ARHGAP39: variants seen among roughly 807,000 people sequenced by gnomAD.
ARHGAP39 encodes the protein rho GTPase-activating protein 39.
ARHGAP39 carries 44 observed loss-of-function variants against 106.9 expected under a neutral mutation model. The observed-to-expected ratio is 0.41, with a 90% confidence interval of 0.32 to 0.53. The LOEUF (loss-of-function observed/expected upper bound fraction) is 0.53, where lower values mean the gene tolerates loss of function less well. ARHGAP39 is among the 20% of genes least tolerant of loss of function. ARHGAP39 has a pLI of 0.21. For missense variants in ARHGAP39, 1,496 were observed against 1,577.3 expected (o/e 0.95, Z 0.87); for synonymous variants, 768 against 693.2 (o/e 1.11, Z -1.69).
upstream of ARHGAP39, among the ~76,000 whole-genome samples, chr8:144,690,454 T>C (rs1454945000): frequency 6.6e-6 from 1 of 152,138 alleles, no homozygotes; most frequent in Non-Finnish European, 1.5e-5. Flanking sequence ...AATTTCTCCA[T>C]ATCTTCTCCA....
chr8:144,627,174 T>G (rs1478713443), intron 1 of ARHGAP39, among the ~76,000 whole-genome samples: 1 of 152,208 alleles, frequency 6.6e-6, no homozygotes. Flanking sequence ...TGTCTGCAGC[T>G]GCCAGGGACA....
At chr8:144,653,583 T>C (rs117426953) in intron 1 of ARHGAP39, among the ~76,000 whole-genome samples, 1 of 152,158 alleles carries the variant, frequency 6.6e-6, no homozygotes, top group Non-Finnish European at 1.5e-5. Context: ...GAAACACCCA[T>C]GCCTCACCCT....
intron 1 of ARHGAP39, among the ~76,000 whole-genome samples, chr8:144,643,311 A>G (rs937500130): frequency 1.3e-5 from 2 of 152,086 alleles, no homozygotes; most frequent in African/African-American, 4.8e-5. Context: ...AAAAATTGCC[A>G]GGCATGGTGG....
intron 1 of ARHGAP39, among the ~76,000 whole-genome samples, chr8:144,681,751 A>G (rs1218292254): frequency 6.6e-6 from 1 of 152,212 alleles, no homozygotes; most frequent in Non-Finnish European, 1.5e-5. Flanking sequence ...TGTTACCACT[A>G]TCTAAACATT....
At chr8:144,681,468 G>C (rs1439579353) in intron 1 of ARHGAP39, among the ~76,000 whole-genome samples, 1 of 152,178 alleles carries the variant, frequency 6.6e-6, no homozygotes, top group Non-Finnish European at 1.5e-5. Context: ...CTATGACGCA[G>C]GACCTTGAGT....
At chr8:144,690,481 G>GT (rs375014121), upstream of ARHGAP39, among the ~76,000 whole-genome samples, 1,898 of 147,760 alleles carry the variant, frequency 0.013, 34 homozygotes, top group African/African-American at 0.037. Flanking sequence ...GTTAATTTCT[G>GT]TTTTTTTTTT....
chr8:144,668,115 A>C (rs1822009475), intron 1 of ARHGAP39, among the ~76,000 whole-genome samples: 1 of 151,962 alleles, frequency 6.6e-6, no homozygotes, highest in African/African-American at 2.4e-5. Context: ...TAGAAGTTAT[A>C]TATATATTTG....
intron 3 of ARHGAP39, among the ~76,000 whole-genome samples, chr8:144,573,456 G>C (rs1014610393): frequency 2.0e-5 from 3 of 151,942 alleles, no homozygotes; most frequent in South Asian, 2.1e-4. Context: ...CGGCCTGTTG[G>C]GGGGTGGGGG....
At chr8:144,622,853 C>T (rs965812617) in intron 1 of ARHGAP39, among the ~76,000 whole-genome samples, 51 of 152,258 alleles carry the variant, frequency 3.3e-4, no homozygotes, top group African/African-American at 1.2e-3. Flanking sequence ...CACAGCTTTG[C>T]AGAAGTCAGG....
At chr8:144,688,516 G>A (rs1822681821), upstream of ARHGAP39, among the ~76,000 whole-genome samples, 1 of 152,236 alleles carries the variant, frequency 6.6e-6, no homozygotes, top group East Asian at 1.9e-4. Context: ...CCAGGCTAAG[G>A]TGGAGGAACG....
At chr8:144,597,333 C>T (rs1261470294) in intron 2 of ARHGAP39, among the ~76,000 whole-genome samples, 1 of 152,226 alleles carries the variant, frequency 6.6e-6, no homozygotes, top group African/African-American at 2.4e-5. Flanking sequence ...AGTCCAAAGC[C>T]CAACGTCTTC....
At chr8:144,672,937 C>A (rs1008589869) in intron 1 of ARHGAP39, among the ~76,000 whole-genome samples, 18 of 152,240 alleles carry the variant, frequency 1.2e-4, no homozygotes, top group African/African-American at 4.3e-4. Context: ...TGATCAGGGG[C>A]CAGGCACAGT....
chr8:144,588,997 C>T (rs1440203627), intron 2 of ARHGAP39, among the ~76,000 whole-genome samples: 1 of 152,232 alleles, frequency 6.6e-6, no homozygotes, highest in African/African-American at 2.4e-5. Context: ...ATCAATGTCA[C>T]GTGGGACCCG....
At position 144,645,744 on chromosome 8, in the gene ARHGAP39, G is replaced by A. The variant is rs1471650084; in HGVS notation, c.-82+39942C>T. On this transcript the variant is annotated intron_variant, in intron 1 of 11. Transcript: ENST00000377307. The surrounding 1 kb of genome is among the most constrained non-coding windows in gnomAD (Gnocchi z 4.4). ...CTCAGGAAGCAGAGCGATACACCTTGGATGGCAGAGGTTTATTTTGTGTGG... is the reference window on the plus strand; with the variant it reads ...CTCAGGAAGCAGAGCGATACACCTTAGATGGCAGAGGTTTATTTTGTGTGG... Among the ~76,000 whole-genome samples, 1 of 152,240 alleles carries A rather than the reference G, an allele frequency of 6.6e-6. No individual in the cohort carries two copies. Among genetic ancestry groups the A allele is most frequent in the Non-Finnish European group, 1.5e-5 (1 of 68,042 alleles).
rs1006454907 is a variant in ARHGAP39, at chr8:144,547,642, G to T, written c.1444C>A (p.Leu482Met). ...AMSWSSQQDT[L>M]SSTGYSPGTR... ...CCCGGGGAGTAGCCTGTGGAGGACAGGGTGTCCTGCTGGCTGGACCAGGAC... is the reference window on the plus strand; with the variant it reads ...CCCGGGGAGTAGCCTGTGGAGGACATGGTGTCCTGCTGGCTGGACCAGGAC... Residue 482 changes from leucine to methionine, a missense_variant, in exon 5 of 12, where the codon CTG becomes ATG. This residue lies in a region of ARHGAP39 where 905 missense variants were observed against 816.4 expected (regional missense o/e 1.11). Coordinates refer to ENST00000377307, the MANE Select transcript of ARHGAP39 (RefSeq NM_025251.3). This position sits in a 1 kb window ranked among gnomAD's most constrained non-coding sequence, Gnocchi z 5.2. 3 of 1,533,796 alleles carry T rather than the reference G, an allele frequency of 2.0e-6. No individual in the cohort carries two copies. The highest frequency in any genetic ancestry group is 1.8e-6 in the Non-Finnish European group (2 of 1,141,668).
intron 1 of ARHGAP39, among the ~76,000 whole-genome samples, chr8:144,654,259 C>G (rs933306635): frequency 1.3e-5 from 2 of 152,140 alleles, no homozygotes; most frequent in Non-Finnish European, 2.9e-5. Context: ...AATCTCAGCA[C>G]TTTTGGAGGC....
At chr8:144,685,047 G>A (rs1482876180) in intron 1 of ARHGAP39, among the ~76,000 whole-genome samples, 1 of 152,156 alleles carries the variant, frequency 6.6e-6, no homozygotes, top group Non-Finnish European at 1.5e-5. Flanking sequence ...GGTGCCCCGA[G>A]CTCAGGCTGG....
chr8:144,596,727 G>A (rs1166323258), intron 2 of ARHGAP39, among the ~76,000 whole-genome samples: 2 of 152,188 alleles, frequency 1.3e-5, no homozygotes, highest in African/African-American at 2.4e-5. Context: ...GCGCACTGCC[G>A]GGGTCCTCGG....
intron 2 of ARHGAP39, among the ~76,000 whole-genome samples, chr8:144,593,984 C>T (rs2130919350): frequency 6.7e-6 from 1 of 149,352 alleles, no homozygotes; most frequent in African/African-American, 2.5e-5. Flanking sequence ...AGCTACTCGG[C>T]AGGCTGAGGC....
Sources: allele counts gnomAD v4.1 joint callset (sites outside exome capture counted in the v4.1 genomes callset), GRCh38; gene constraint gnomAD v4.1.1; regional missense constraint gnomAD v4.1.1; non-coding constraint Gnocchi (gnomAD v3.1); transcripts MANE v1.5; gene names NCBI Gene and HGNC (gene_info 2026-07-23, HGNC 2026-07-21).